DOK5: variants seen among roughly 807,000 people sequenced by gnomAD.
DOK5 encodes the protein docking protein 5, also known as downstream of tyrosine kinase 5.
DOK5 carries 27 observed loss-of-function variants against 43.3 expected under a neutral mutation model. The ratio of observed to expected loss-of-function variants is 0.62; its 90% confidence interval spans 0.46 to 0.86. DOK5 has a LOEUF of 0.86. Ranked by LOEUF, DOK5 falls within the 40% of genes least tolerant of loss-of-function variation. The pLI, the probability that DOK5 is intolerant of heterozygous loss-of-function variation, is 0.00. For synonymous variants in DOK5, 146 were observed against 140.1 expected, an observed-to-expected ratio of 1.04 and a Z score of -0.30; for missense variants, 373 against 392.9, an observed-to-expected ratio of 0.95 and a Z score of 0.43.
intron 1 of DOK5, among the ~76,000 whole-genome samples, chr20:54,490,531 G>A (rs1177830561): frequency 6.6e-6 from 1 of 152,132 alleles, no homozygotes; most frequent in African/African-American, 2.4e-5. Context: ...ATTTCTGAAT[G>A]TTGCATTTAT....
At chr20:54,613,707 A>G (rs1986722319) in intron 6 of DOK5, among the ~76,000 whole-genome samples, 1 of 152,226 alleles carries the variant, frequency 6.6e-6, no homozygotes, top group African/African-American at 2.4e-5. Flanking sequence ...AAAACTATGC[A>G]TCAAGGTTGG....
chr20:54,609,474 A>C (rs188373459), intron 5 of DOK5, among the ~76,000 whole-genome samples: 28 of 152,074 alleles, frequency 1.8e-4, no homozygotes, highest in African/African-American at 6.7e-4. Context: ...ATAATTAAAT[A>C]TATCTTAGTG....
chr20:54,585,059 T>G (rs1985761183), intron 2 of DOK5, among the ~76,000 whole-genome samples: 1 of 152,320 alleles, frequency 6.6e-6, no homozygotes, highest in African/African-American at 2.4e-5. Context: ...ATTACTAAAT[T>G]ACTAAATTAT....
intron 6 of DOK5, among the ~76,000 whole-genome samples, chr20:54,624,126 T>C (rs2146808878): frequency 6.6e-6 from 1 of 152,262 alleles, no homozygotes; most frequent in East Asian, 1.9e-4. Flanking sequence ...CAGCAGGAAT[T>C]CCAGAAATAC....
chr20:54,484,964 A>G (rs1330165314), intron 1 of DOK5, among the ~76,000 whole-genome samples: 1 of 152,108 alleles, frequency 6.6e-6, no homozygotes, highest in Non-Finnish European at 1.5e-5. Flanking sequence ...GCTGCAGTGA[A>G]CTCTGATCAT....
chr20:54,619,006 G>T (rs1374373994), intron 6 of DOK5, among the ~76,000 whole-genome samples: 3 of 114,412 alleles, frequency 2.6e-5, no homozygotes, highest in Non-Finnish European at 3.6e-5. Context: ...AACAGAACAA[G>T]ACCTTGTTTC....
intron 2 of DOK5, among the ~76,000 whole-genome samples, chr20:54,584,736 T>C (rs548023881): frequency 1.3e-5 from 2 of 149,644 alleles, no homozygotes; most frequent in South Asian, 2.1e-4. Flanking sequence ...TATATATATA[T>C]ACACTATAAT....
intron 6 of DOK5, among the ~76,000 whole-genome samples, chr20:54,622,092 G>C (rs562252758): frequency 6.6e-6 from 1 of 151,964 alleles, no homozygotes; most frequent in Non-Finnish European, 1.5e-5. Flanking sequence ...TACTTGGGAG[G>C]TTGAGGCAGG....
intron 1 of DOK5, among the ~76,000 whole-genome samples, chr20:54,522,237 CAT>C: frequency 6.6e-6 from 1 of 152,256 alleles, no homozygotes; most frequent in Middle Eastern, 3.4e-3. Context: ...ATAAAGATCT[CAT>C]AATGTTTTAA....
At chr20:54,597,194 A>G (rs905695684) in intron 5 of DOK5, among the ~76,000 whole-genome samples, 4 of 152,232 alleles carry the variant, frequency 2.6e-5, no homozygotes, top group Non-Finnish European at 5.9e-5. Flanking sequence ...TGTAATTGAC[A>G]TTTGCACTCA....
At chr20:54,477,774 C>T (rs1238196140) in intron 1 of DOK5, among the ~76,000 whole-genome samples, 1 of 152,088 alleles carries the variant, frequency 6.6e-6, no homozygotes, top group African/African-American at 2.4e-5. Flanking sequence ...ATTATTAATG[C>T]ACAAAATATG....
chr20:54,550,225 T>C lies in DOK5; in HGVS notation c.67-4708T>C, dbSNP rs1984480674. Among the ~76,000 whole-genome samples the C allele has an allele frequency of 3.3e-5, 5 of 151,786 alleles. No homozygotes were observed. In the South Asian group the frequency reaches 1.0e-3, roughly 32 times the overall value. On this transcript the variant is annotated intron_variant, in intron 1 of 7. Coordinates refer to ENST00000262593, the MANE Select transcript of DOK5 (RefSeq NM_018431.5). ...ACTGGAGAAGAATGTAGATGACATA[T>C]GTTAGATTAGGCTGTAATTTTAAGA...
chr20:54,570,479 A>G (rs1600708694), intron 2 of DOK5, among the ~76,000 whole-genome samples: 2 of 152,338 alleles, frequency 1.3e-5, no homozygotes, highest in East Asian at 3.9e-4. Context: ...TGCTCACTTA[A>G]TTCATTCAGT....
chr20:54,496,778 AAAAAAAAAG>A (rs1982417342), intron 1 of DOK5, among the ~76,000 whole-genome samples: 2 of 151,576 alleles, frequency 1.3e-5, no homozygotes, highest in Non-Finnish European at 2.9e-5. Context: ...AAAAAAAAAA[AAAAAAAAAG>A]AAAAAAATGA....
intron 7 of DOK5, 86 bp downstream of exon 7, chr20:54,643,664 A>G (rs960422628): frequency 2.0e-6 from 3 of 1,495,026 alleles, no homozygotes; most frequent in Non-Finnish European, 2.7e-6. Context: ...CAGCTGCTGC[A>G]TGCCAGCTGG....
At position 54,587,226 on chromosome 20, in the gene DOK5, G is replaced by A. The variant is rs779396701; in HGVS notation, c.175-1257G>A. Among the ~76,000 whole-genome samples, 4 of 152,120 alleles carry A rather than the reference G, an allele frequency of 2.6e-5. No homozygotes were observed. In the East Asian group the frequency reaches 7.7e-4, roughly 29 times the overall value. On this transcript the variant is annotated intron_variant, in intron 2 of 7. Transcript: ENST00000262593. ...ATGGTGCTGAGTCACTGACGTGATC[G>A]GTTTGGGCACTTTTTGAGGAGAAGT...
chr20:54,517,720 T>A (rs1172146397), intron 1 of DOK5, among the ~76,000 whole-genome samples: 1 of 152,072 alleles, frequency 6.6e-6, no homozygotes, highest in Non-Finnish European at 1.5e-5. Flanking sequence ...CCCCAAGGAT[T>A]TGGTATTAGG....
chr20:54,539,126 T>C (rs889714631), intron 1 of DOK5, among the ~76,000 whole-genome samples: 1 of 151,312 alleles, frequency 6.6e-6, no homozygotes, highest in Non-Finnish European at 1.5e-5. Flanking sequence ...CTGTCTCTAC[T>C]AAAAAATACA....
intron 2 of DOK5, among the ~76,000 whole-genome samples, chr20:54,559,826 G>A (rs1279344941): frequency 1.3e-5 from 2 of 152,158 alleles, no homozygotes; most frequent in African/African-American, 2.4e-5. Flanking sequence ...AGGGATGATC[G>A]TTTCTACTTT....
Sources: gnomAD v4.1 joint callset for allele counts (sites outside exome capture counted in the v4.1 genomes callset) on GRCh38, gnomAD v4.1.1 for gene constraint, MANE v1.5 for transcripts, NCBI Gene and HGNC (gene_info 2026-07-23, HGNC 2026-07-21) for gene names.